Variants in GBE1 observed in about 807,000 individuals in gnomAD.
The protein encoded by GBE1 is 1,4-alpha-glucan branching enzyme 1.
In GBE1, 70 loss-of-function variants were observed where a neutral mutation model predicts 88.8. The observed-to-expected ratio is 0.79, with a 90% CI of 0.65 to 0.96. The LOEUF is 0.96. GBE1 is among the 40% of genes least tolerant of loss of function. The pLI is 0.00. For missense variants in GBE1, 872 were observed against 871.0 expected (o/e 1.00, Z -0.01); for synonymous variants, 284 against 300.1 (o/e 0.95, Z 0.56).
chr3:81,576,298 G>T (rs1703646444), intron 12 of GBE1, among the ~76,000 whole-genome samples: 1 of 151,534 alleles, frequency 6.6e-6, no homozygotes, highest in South Asian at 2.1e-4. Context: ...CTAAATTTAG[G>T]ATATGACCAT....
At chr3:81,584,639 A>G (rs1703775699) in intron 10 of GBE1, among the ~76,000 whole-genome samples, 1 of 151,758 alleles carries the variant, frequency 6.6e-6, no homozygotes, top group Admixed American at 6.6e-5. Flanking sequence ...TTTAGGATAA[A>G]ATATTTTTCT....
At chr3:81,681,736 A>G (rs1472942775) in intron 2 of GBE1, among the ~76,000 whole-genome samples, 4 of 152,190 alleles carry the variant, frequency 2.6e-5, no homozygotes, top group Non-Finnish European at 5.9e-5. Context: ...TTTAAAACCA[A>G]TAGTTCTGGA....
At chr3:81,506,581 G>A (rs1041788411) in intron 14 of GBE1, among the ~76,000 whole-genome samples, 2 of 152,038 alleles carry the variant, frequency 1.3e-5, no homozygotes, top group Non-Finnish European at 2.9e-5. Context: ...CATACTCAAA[G>A]GAAAATAATT....
chr3:81,526,994 A>G lies in GBE1; in HGVS notation c.1934+8201T>C, dbSNP rs1702952209. 2.0e-5 allele frequency among the ~76,000 whole-genome samples: 3 copies of G among 152,118 alleles called. No individual in the cohort carries two copies. In the South Asian group the frequency reaches 6.2e-4, roughly 32 times the overall value. On this transcript the variant is annotated intron_variant, in intron 14 of 15. Coordinates refer to ENST00000429644, the MANE Select transcript of GBE1 (RefSeq NM_000158.4). ...ATACTACAAGGTGACAGTAACCAAA[A>G]CAGCATGGTACTGGTACCAAAACAG...
chr3:81,718,455 C>T (rs1705973509), intron 1 of GBE1, among the ~76,000 whole-genome samples: 3 of 152,014 alleles, frequency 2.0e-5, no homozygotes, highest in African/African-American at 7.2e-5. Context: ...AACCCAACAC[C>T]GGGAGAAGTA....
chr3:81,680,206 A>G (rs1204644274), intron 2 of GBE1, among the ~76,000 whole-genome samples: 1 of 152,122 alleles, frequency 6.6e-6, no homozygotes, highest in Non-Finnish European at 1.5e-5. Context: ...ATGTTACCCA[A>G]TTTTCGGCTG....
rs138853557 is a variant in GBE1, at chr3:81,646,860, G to A, written c.692-378C>T. On this transcript the variant is annotated intron_variant, in intron 5 of 15. Coordinates refer to ENST00000429644, the MANE Select transcript of GBE1 (RefSeq NM_000158.4). ...AAAAATAACCAATTGCATGACATAC[G>A]CTTTTTATTTTGACTCTATGTATTT... Among the ~76,000 whole-genome samples the A allele has an allele frequency of 4.2e-3, 636 of 151,500 alleles. 8 individuals carry two copies. The highest frequency in any genetic ancestry group is 0.014 in the Middle Eastern group (4 of 292).
chr3:81,688,261 C>T lies in GBE1; in HGVS notation c.313+17183G>A, dbSNP rs1705467924. 2.0e-5 allele frequency among the ~76,000 whole-genome samples: 3 copies of T among 152,226 alleles called. No individual in the cohort carries two copies. The South Asian group carries it at 6.2e-4, about 31-fold the overall frequency. ...CATCTACCATAGCACTTACTAACTA[C>T]ACTTAATACATTTGCTTATACATAG... On this transcript the variant is annotated intron_variant, in intron 2 of 15. Coordinates refer to ENST00000429644, the MANE Select transcript of GBE1 (RefSeq NM_000158.4).
At chr3:81,761,307 G>C (rs1368293208) in intron 1 of GBE1, 68 bp downstream of exon 1, 11 of 1,533,200 alleles carry the variant, frequency 7.2e-6, no homozygotes, top group Non-Finnish European at 8.8e-6. Flanking sequence ...GGGGCGGCCC[G>C]TGTCCCGAGA....
intron 12 of GBE1, 150 bp from the exon 13 acceptor site, chr3:81,537,245 T>C: frequency 1.8e-6 from 1 of 542,360 alleles, no homozygotes; most frequent in Non-Finnish European, 2.9e-6. Context: ...TGTACAGGTG[T>C]AGCTCAAAAA....
Position 81,577,941 on chromosome 3 carries a change from G to C in GBE1, c.1602C>G (p.Gly534=). Residue 534 remains glycine (G), a synonymous_variant, in exon 12 of 16, where the codon GGC becomes GGG. Coordinates refer to ENST00000429644, the MANE Select transcript of GBE1 (RefSeq NM_000158.4). ...RLITHGLGGE[G]YLNFMGNEFG... ...CACACTTACCCATGAAATTGAGATA[G>C]CCTTCTCCACCAAGCCCATGCGTAA... 1 of 1,595,450 alleles carries C rather than the reference G, an allele frequency of 6.3e-7. No homozygotes were observed. Among genetic ancestry groups the C allele is most frequent in the Non-Finnish European group, 8.5e-7 (1 of 1,173,638 alleles).
chr3:81,550,364 CAGTT>C lies in GBE1; in HGVS notation c.1619-13273_1619-13270del, dbSNP rs542347612. On this transcript the variant is annotated intron_variant, in intron 12 of 15. Coordinates refer to ENST00000429644, the MANE Select transcript of GBE1 (RefSeq NM_000158.4). The stretch of plus-strand genomic sequence containing the variant: ...TCTACCCTGAATGCAAGAGACCTAA[CAGTT>C]AGGTAGGAATATCATTGCCCTTATT... Among the ~76,000 whole-genome samples, 564 of 151,360 alleles carry C rather than the reference CAGTT, an allele frequency of 3.7e-3. 4 individuals carry two copies. The highest frequency in any genetic ancestry group is 0.013 in the African/African-American group (542 of 41,438).
chr3:81,536,912 T>G lies in GBE1; in HGVS notation c.1802A>C (p.Gln601Pro). Residue 601 changes from glutamine to proline, a missense_variant and splice_region_variant, in exon 13 of 16, where the codon CAG becomes CCG. Coordinates refer to ENST00000429644, the MANE Select transcript of GBE1 (RefSeq NM_000158.4). ...CAGCATCCAGAGTGAAGAGCTTACC[T>G]GTGGAGCTGCAAGCCAACCATATCT... ...EERYGWLAAP[Q>P]AYVSEKHEGN... The G allele has an allele frequency of 6.3e-7, 1 of 1,586,210 alleles. No individual in the cohort carries two copies.
chr3:81,690,705 CTGT>C (rs548288164), intron 2 of GBE1, among the ~76,000 whole-genome samples: 140 of 152,130 alleles, frequency 9.2e-4, no homozygotes, highest in Middle Eastern at 6.8e-3. Context: ...CTCTTTTTTG[CTGT>C]TGTTGTTTAA....
intron 14 of GBE1, among the ~76,000 whole-genome samples, chr3:81,512,174 T>C (rs975315555): frequency 2.0e-5 from 3 of 151,730 alleles, no homozygotes; most frequent in Non-Finnish European, 4.4e-5. Flanking sequence ...ATGGAAACAA[T>C]AGATACTGGG....
rs1178730469 is a variant in GBE1 at position 81,581,175 on chromosome 3, C to T, written c.1436G>A (p.Ser479Asn). Residue 479 changes from serine (S) to asparagine (N), a missense_variant, in exon 11 of 16, where the codon AGC becomes AAC. Ser to Asn is a conservative substitution (Grantham distance 46, BLOSUM62 1). Transcript: ENST00000429644. ...CACATATTCATTTACCTGATCATGGCTCTCTGCATAAGCAATGCACTTTTC... is the reference window on the plus strand; with the variant it reads ...CACATATTCATTTACCTGATCATGGTTCTCTGCATAAGCAATGCACTTTTC... ...YLEKCIAYAE[S>N]HDQALVGDKS... 1 of 1,597,864 alleles carries T rather than the reference C, an allele frequency of 6.3e-7. No individual in the cohort carries two copies. The highest frequency in any genetic ancestry group is 1.7e-5 in the Admixed American group (1 of 58,960).
intron 12 of GBE1, among the ~76,000 whole-genome samples, chr3:81,551,512 C>G (rs1351029492): frequency 6.6e-6 from 1 of 152,188 alleles, no homozygotes; most frequent in African/African-American, 2.4e-5. Context: ...CAATGCATAT[C>G]TGATTGCCTC....
intron 3 of GBE1, among the ~76,000 whole-genome samples, chr3:81,651,954 G>A (rs1479887085): frequency 1.3e-5 from 2 of 152,196 alleles, no homozygotes; most frequent in Non-Finnish European, 2.9e-5. Context: ...GATGGGTGTT[G>A]AATGTTGAAA....
intron 3 of GBE1, among the ~76,000 whole-genome samples, chr3:81,659,014 C>T (rs758467160): frequency 2.4e-4 from 37 of 151,742 alleles, no homozygotes; most frequent in Non-Finnish European, 3.5e-4. Flanking sequence ...AGATCAATAT[C>T]GTAATAAAAG....
Sources: allele counts gnomAD v4.1 joint callset (sites outside exome capture counted in the v4.1 genomes callset), GRCh38; gene constraint gnomAD v4.1.1; transcripts MANE v1.5; gene names NCBI Gene and HGNC (gene_info 2026-07-23, HGNC 2026-07-21).